GARNL3: variants seen among roughly 807,000 people sequenced by gnomAD.
GARNL3 encodes the protein GTPase-activating Rap/Ran-GAP domain-like protein 3.
Under a neutral mutation model 125.0 loss-of-function variants are expected in GARNL3, and 63 were observed. That is an observed-to-expected ratio of 0.50 (90% CI 0.41 to 0.62). GARNL3 has a LOEUF of 0.62. Among genes scored for constraint, GARNL3 ranks in the 20% least tolerant of loss-of-function variants. The pLI is 0.00. For synonymous variants in GARNL3, 439 were observed against 457.5 expected (o/e 0.96, Z 0.52); for missense variants, 994 against 1,244.0 (o/e 0.80, Z 3.02).
chr9:127,227,695 C>T (rs528605300), intron 1 of GARNL3, among the ~76,000 whole-genome samples: 1 of 152,138 alleles, frequency 6.6e-6, no homozygotes, highest in East Asian at 1.9e-4. Context: ...GGCACGGGGA[C>T]CGCTTGAGGC....
In GARNL3 at chr9:127,337,888, C is replaced by T. The variant is rs540461970; in HGVS notation, c.983-228C>T. Among the ~76,000 whole-genome samples, 6 of 152,230 alleles carry T rather than the reference C, an allele frequency of 3.9e-5. No individual in the cohort carries two copies. In the South Asian group the frequency reaches 1.0e-3, roughly 26 times the overall value. ...CAGCTTTGGAGATTTAAACCTTTTC[C>T]CCAAAGGATGCACATACAAACATTG... On this transcript the variant is annotated intron_variant, in intron 11 of 27. Coordinates refer to ENST00000373387, the MANE Select transcript of GARNL3 (RefSeq NM_032293.5).
intron 17 of GARNL3, 78 bp downstream of exon 17, chr9:127,349,113 C>T: frequency 1.0e-6 from 1 of 959,472 alleles, no homozygotes; most frequent in Non-Finnish European, 1.7e-6. Context: ...CACCAACCAA[C>T]TCCCTTTGGG....
intron 4 of GARNL3, among the ~76,000 whole-genome samples, chr9:127,314,894 G>A (rs2065196787): frequency 6.6e-6 from 1 of 152,206 alleles, no homozygotes; most frequent in African/African-American, 2.4e-5. Flanking sequence ...ACAGAGGCCT[G>A]AAGATGGAAG....
chr9:127,337,767 T>C (rs1829633986), intron 11 of GARNL3, among the ~76,000 whole-genome samples: 1 of 152,268 alleles, frequency 6.6e-6, no homozygotes, highest in African/African-American at 2.4e-5. Context: ...TAATTTCCTA[T>C]TGGGATCTTG....
At chr9:127,370,740 A>G (rs1374199538) in intron 22 of GARNL3, among the ~76,000 whole-genome samples, 1 of 151,936 alleles carries the variant, frequency 6.6e-6, no homozygotes. Context: ...TTGTCTCAGT[A>G]CTGTGCCGTT....
intron 1 of GARNL3, among the ~76,000 whole-genome samples, chr9:127,230,045 A>G (rs2062975074): frequency 6.6e-6 from 1 of 152,232 alleles, no homozygotes; most frequent in African/African-American, 2.4e-5. Flanking sequence ...GGAAACCTGG[A>G]TGCAGTAGAA....
At chr9:127,358,928 A>G (rs970722399) in intron 21 of GARNL3, among the ~76,000 whole-genome samples, 3 of 152,114 alleles carry the variant, frequency 2.0e-5, no homozygotes, top group Admixed American at 1.3e-4. Flanking sequence ...TAAAAAGGTC[A>G]GTGTCTGACC....
chr9:127,233,871 T>A (rs1277665457), intron 1 of GARNL3, among the ~76,000 whole-genome samples: 1 of 152,360 alleles, frequency 6.6e-6, no homozygotes, highest in African/African-American at 2.4e-5. Context: ...TTCTTCCTTA[T>A]GTTTCTTGGG....
chr9:127,390,846 T>C (rs1442569936), intron 27 of GARNL3, 79 bp downstream of exon 27: 13 of 1,427,412 alleles, frequency 9.1e-6, no homozygotes, highest in South Asian at 7.9e-5. Context: ...CTTCTGGGGA[T>C]TGATAATGCC....
At chr9:127,299,693 C>G (rs2064723744) in intron 2 of GARNL3, among the ~76,000 whole-genome samples, 1 of 152,144 alleles carries the variant, frequency 6.6e-6, no homozygotes, top group Non-Finnish European at 1.5e-5. Flanking sequence ...GCCTCAGCCT[C>G]CCAAGTAGCT....
chr9:127,246,738 C>T (rs532214309), intron 2 of GARNL3, among the ~76,000 whole-genome samples: 1 of 151,998 alleles, frequency 6.6e-6, no homozygotes, highest in East Asian at 1.9e-4. Flanking sequence ...GCCCAGGAGG[C>T]GGGGATTGCA....
At chr9:127,346,821 C>A (rs1295345040) in intron 16 of GARNL3, among the ~76,000 whole-genome samples, 3 of 152,186 alleles carry the variant, frequency 2.0e-5, no homozygotes, top group Non-Finnish European at 2.9e-5. Flanking sequence ...CGGCTTTGCC[C>A]ACCTCTTCAG....
At chr9:127,253,782 G>T (rs1266396239) in intron 2 of GARNL3, among the ~76,000 whole-genome samples, 1 of 152,110 alleles carries the variant, frequency 6.6e-6, no homozygotes, top group East Asian at 1.9e-4. Flanking sequence ...GGAGATAAAG[G>T]TGTGATGGAT....
chr9:127,238,532 T>G (rs1174461136), intron 1 of GARNL3, among the ~76,000 whole-genome samples: 1 of 152,202 alleles, frequency 6.6e-6, no homozygotes, highest in African/African-American at 2.4e-5. Context: ...CTCTGTCAAA[T>G]AGGAAACCAC....
At position 127,246,866 on chromosome 9, in the gene GARNL3, G is replaced by A. The variant is rs114761013; in HGVS notation, c.143+3617G>A. 7.1e-4 allele frequency among the ~76,000 whole-genome samples: 107 copies of A among 151,408 alleles called. 1 individual carries two copies. The highest frequency in any genetic ancestry group is 2.5e-3 in the African/African-American group (104 of 41,334). On this transcript the variant is annotated intron_variant, in intron 2 of 10. Coordinates refer to the GARNL3 transcript ENST00000439286. ...ACAGTAACATCTTTGGGAACAGGAG[G>A]CATTTAGGAAAGTCTTCTTGGAGAG...
intron 5 of GARNL3, among the ~76,000 whole-genome samples, 194 bp downstream of exon 5, chr9:127,318,321 G>A (rs1035103119): frequency 5.3e-5 from 8 of 152,168 alleles, no homozygotes; most frequent in African/African-American, 1.9e-4. Context: ...CAGGTGCTGT[G>A]ACTGTGCCAT....
chr9:127,365,236 G>A, intron 21 of GARNL3, 64 bp from the exon 22 acceptor site: 2 of 1,409,598 alleles, frequency 1.4e-6, no homozygotes, highest in Admixed American at 3.3e-5. Flanking sequence ...CTCACAACTT[G>A]TAAAAGTCTT....
At chr9:127,360,206 A>G (rs1453225210) in intron 21 of GARNL3, among the ~76,000 whole-genome samples, 1 of 152,102 alleles carries the variant, frequency 6.6e-6, no homozygotes, top group Non-Finnish European at 1.5e-5. Flanking sequence ...TATTTTTAGT[A>G]GAGACAGGGT....
chr9:127,359,063 T>C (rs1316834744), intron 21 of GARNL3, among the ~76,000 whole-genome samples: 1 of 152,114 alleles, frequency 6.6e-6, no homozygotes. Flanking sequence ...TGAAACTTCC[T>C]AATTTAAAGC....
Sources: gnomAD v4.1 joint callset for allele counts (sites outside exome capture counted in the v4.1 genomes callset) on GRCh38, gnomAD v4.1.1 for gene constraint, MANE v1.5 for transcripts, NCBI Gene and HGNC (gene_info 2026-07-23, HGNC 2026-07-21) for gene names.